IQCJ: variants seen among roughly 807,000 people sequenced by gnomAD.
IQCJ encodes IQ motif containing J, also known as IQ domain-containing protein J.
A neutral mutation model predicts 11.0 loss-of-function variants in IQCJ; 9 were observed. That is an observed-to-expected ratio of 0.82 (90% CI 0.49 to 1.43). The LOEUF (loss-of-function observed/expected upper bound fraction) is 1.43, where lower values mean the gene tolerates loss of function less well. Among genes scored for constraint, IQCJ ranks in the 40% most tolerant of loss-of-function variants. IQCJ has a pLI of 0.00. For synonymous variants in IQCJ, 55 were observed against 51.3 expected (o/e 1.07, Z -0.31); for missense variants, 146 against 133.2 (o/e 1.10, Z -0.47).
intron 1 of IQCJ, among the ~76,000 whole-genome samples, chr3:159,094,561 A>G (rs1470435003): frequency 1.3e-5 from 2 of 150,786 alleles, no homozygotes; most frequent in African/African-American, 4.9e-5. Context: ...ACACGATTCC[A>G]TCCTTCAATG....
At chr3:159,107,067 T>C (rs983854356) in intron 1 of IQCJ, among the ~76,000 whole-genome samples, 1 of 152,214 alleles carries the variant, frequency 6.6e-6, no homozygotes. Flanking sequence ...GTTATTCATA[T>C]TCAAAGTGTC....
chr3:159,213,587 G>A (rs1196543736), intron 1 of IQCJ, among the ~76,000 whole-genome samples: 1 of 152,122 alleles, frequency 6.6e-6, no homozygotes, highest in Non-Finnish European at 1.5e-5. Context: ...ATATTGGTAT[G>A]AGAAATTTTT....
chr3:159,240,907 A>AAAAAGACATTTT (rs1179423316), intron 1 of IQCJ, among the ~76,000 whole-genome samples: 5 of 152,112 alleles, frequency 3.3e-5, no homozygotes, highest in Non-Finnish European at 7.4e-5. Flanking sequence ...CAGTGTTCTG[A>AAAAAGACATTTT]AAAAGACATT....
rs1577011366 is a variant in IQCJ, at chr3:159,106,097, G to T, written c.9+36656G>T. ...TTGCTAGTTCATGGAATGTGTGTAT[G>T]TAGGAGAAGAGGAGAATGGAATTGG... On this transcript the variant is annotated intron_variant, in intron 1 of 3. Coordinates refer to ENST00000397832, the MANE Select transcript of IQCJ (RefSeq NM_001042706.3). Among the ~76,000 whole-genome samples the T allele has an allele frequency of 3.3e-5, 5 of 152,144 alleles. No homozygotes were observed. In the South Asian group the frequency reaches 1.0e-3, roughly 32 times the overall value.
At chr3:159,077,627 A>C (rs1308800273) in intron 1 of IQCJ, among the ~76,000 whole-genome samples, 1 of 152,134 alleles carries the variant, frequency 6.6e-6, no homozygotes, top group Non-Finnish European at 1.5e-5. Flanking sequence ...ACTGTGTTAA[A>C]AATAGTTATA....
chr3:159,250,869 C>T (rs1727556397), intron 2 of IQCJ, among the ~76,000 whole-genome samples: 1 of 152,234 alleles, frequency 6.6e-6, no homozygotes, highest in African/African-American at 2.4e-5. Context: ...TTAATAATAT[C>T]TGTCACACTT....
chr3:159,184,955 A>G (rs1723299186), intron 1 of IQCJ, among the ~76,000 whole-genome samples: 1 of 152,310 alleles, frequency 6.6e-6, no homozygotes, highest in East Asian at 1.9e-4. Flanking sequence ...TTTTTGTATG[A>G]TAAGAAGTTA....
rs961499035 is a variant in IQCJ at position 159,071,440 on chromosome 3, G to T, written c.9+1999G>T. On this transcript the variant is annotated intron_variant, in intron 1 of 3. Coordinates refer to ENST00000397832, the MANE Select transcript of IQCJ (RefSeq NM_001042706.3). ...CTTGAATGTAAATATCTTAATGAAG[G>T]TTTTAAATTGAATGAATAGGATGGC... Among the ~76,000 whole-genome samples, 8 of 151,790 alleles carry T rather than the reference G, an allele frequency of 5.3e-5. 1 individual carries two copies. Among genetic ancestry groups the T allele is most frequent in the Admixed American group, 2.0e-4 (3 of 15,226 alleles).
chr3:159,091,547 T>C (rs550099897), intron 1 of IQCJ, among the ~76,000 whole-genome samples: 8 of 151,684 alleles, frequency 5.3e-5, no homozygotes, highest in Admixed American at 1.3e-4. Flanking sequence ...GGGATTAGAA[T>C]TTCAACAGAT....
intron 1 of IQCJ, among the ~76,000 whole-genome samples, chr3:159,182,199 T>C (rs898981711): frequency 4.7e-5 from 7 of 150,252 alleles, no homozygotes; most frequent in African/African-American, 1.8e-4. Context: ...ACCAACAAAA[T>C]TATACTTTTT....
chr3:159,144,778 AC>A (rs1457159961), intron 1 of IQCJ, among the ~76,000 whole-genome samples: 1 of 152,198 alleles, frequency 6.6e-6, no homozygotes. Flanking sequence ...CAACATCAGT[AC>A]CTGAAGGAGG....
At chr3:159,109,676 T>G (rs1401675319) in intron 1 of IQCJ, among the ~76,000 whole-genome samples, 1 of 152,128 alleles carries the variant, frequency 6.6e-6, no homozygotes, top group Non-Finnish European at 1.5e-5. Context: ...GGTGTGTGTG[T>G]GTGTGTCCTG....
intron 1 of IQCJ, among the ~76,000 whole-genome samples, chr3:159,211,679 A>C (rs1724961045): frequency 6.6e-6 from 1 of 152,224 alleles, no homozygotes; most frequent in East Asian, 1.9e-4. Flanking sequence ...GAGTCTGTTT[A>C]AATGGCAATA....
chr3:159,247,678 T>C (rs1727353369), intron 2 of IQCJ, among the ~76,000 whole-genome samples: 2 of 152,150 alleles, frequency 1.3e-5, no homozygotes, highest in Admixed American at 1.3e-4. Context: ...AGAGAATTTG[T>C]TTATGACCAG....
chr3:159,083,215 A>G (rs1716452156), intron 1 of IQCJ, among the ~76,000 whole-genome samples: 1 of 152,154 alleles, frequency 6.6e-6, no homozygotes, highest in Non-Finnish European at 1.5e-5. Context: ...TGGCATATCT[A>G]ACAAAGGAAT....
chr3:159,213,315 C>CACTGA (rs1725052501), intron 1 of IQCJ, among the ~76,000 whole-genome samples: 1 of 152,144 alleles, frequency 6.6e-6, no homozygotes, highest in African/African-American at 2.4e-5. Flanking sequence ...ACTTTTGTCT[C>CACTGA]CACGGGTGCT....
At chr3:159,111,439 A>T (rs562450493) in intron 1 of IQCJ, among the ~76,000 whole-genome samples, 3 of 152,300 alleles carry the variant, frequency 2.0e-5, no homozygotes, top group Admixed American at 2.0e-4. Flanking sequence ...TATTTCTCAA[A>T]CTGATCTGGG....
At chr3:159,178,936 G>A (rs764179352) in intron 1 of IQCJ, among the ~76,000 whole-genome samples, 3 of 152,250 alleles carry the variant, frequency 2.0e-5, no homozygotes, top group South Asian at 2.1e-4. Flanking sequence ...TTTGATTTCA[G>A]ATGCTGTGGG....
rs2108239141 is a variant in IQCJ, at chr3:159,263,018, G to A, written c.*287G>A. ...CTGTGTGTTTCTTTTATTGTGTGGT[G>A]CTAATATGATAGAAGATAAGATTGG... On this transcript the variant is annotated 3_prime_UTR_variant, in exon 4 of 4. Transcript: ENST00000397832. 3.7e-6 allele frequency: 4 copies of A among 1,072,016 alleles called. No homozygotes were observed. Among genetic ancestry groups the A allele is most frequent in the Non-Finnish European group, 4.5e-6 (4 of 883,632 alleles). 66.4% of individuals were successfully genotyped at this position (1,072,016 alleles called of 1,614,324 possible).
Sources: gnomAD v4.1 joint callset for allele counts (sites outside exome capture counted in the v4.1 genomes callset) on GRCh38, gnomAD v4.1.1 for gene constraint, MANE v1.5 for transcripts, NCBI Gene and HGNC (gene_info 2026-07-23, HGNC 2026-07-21) for gene names.